LEKR1: variants seen among roughly 807,000 people sequenced by gnomAD.
The protein encoded by LEKR1 is protein LEKR1.
Under a neutral mutation model 72.4 loss-of-function variants are expected in LEKR1, and 59 were observed. That is an observed-to-expected ratio of 0.82 (90% CI 0.66 to 1.01). The LOEUF is 1.01. Ranked by LOEUF, LEKR1 falls within the 50% of genes least tolerant of loss-of-function variation. The pLI is 0.00. For missense variants in LEKR1, 728 were observed against 759.2 expected (o/e 0.96, Z 0.48); for synonymous variants, 257 against 263.2 (o/e 0.98, Z 0.23).
At chr3:156,980,497 C>T (rs1730093227) in intron 7 of LEKR1, among the ~76,000 whole-genome samples, 1 of 152,022 alleles carries the variant, frequency 6.6e-6, no homozygotes, top group South Asian at 2.1e-4. Flanking sequence ...TTAGAAGACC[C>T]CCTAGGCCCA....
intron 10 of LEKR1, among the ~76,000 whole-genome samples, chr3:157,013,429 A>G (rs1195913237): frequency 6.6e-6 from 1 of 152,146 alleles, no homozygotes; most frequent in Admixed American, 6.6e-5. Flanking sequence ...GACATATGAA[A>G]GCATTTATGT....
At chr3:156,853,090 A>C in intron 3 of LEKR1, 108 bp downstream of exon 3, 1 of 526,484 alleles carries the variant, frequency 1.9e-6, no homozygotes, top group Non-Finnish European at 3.2e-6. Flanking sequence ...GGTATAGTTT[A>C]TACTTTAATG....
chr3:156,932,251 T>A (rs1560090462), intron 5 of LEKR1, among the ~76,000 whole-genome samples: 1 of 151,738 alleles, frequency 6.6e-6, no homozygotes, highest in Non-Finnish European at 1.5e-5. Flanking sequence ...AGTTAAATAT[T>A]GGAAAAAAAT....
At chr3:157,034,676 G>T (rs1734841379) in intron 12 of LEKR1, among the ~76,000 whole-genome samples, 1 of 152,242 alleles carries the variant, frequency 6.6e-6, no homozygotes. Flanking sequence ...GACAGGGTTT[G>T]AGAGGATTGA....
At chr3:156,968,246 T>C (rs929568181) in intron 6 of LEKR1, among the ~76,000 whole-genome samples, 3 of 152,142 alleles carry the variant, frequency 2.0e-5, no homozygotes, top group Admixed American at 1.3e-4. Flanking sequence ...GCTAACATCA[T>C]AATGACAGGA....
intron 6 of LEKR1, among the ~76,000 whole-genome samples, chr3:156,977,064 G>T (rs909022221): frequency 6.6e-6 from 1 of 152,162 alleles, no homozygotes; most frequent in African/African-American, 2.4e-5. Context: ...TCCCATCCTT[G>T]AACTGGAGAG....
At chr3:157,003,589 G>C (rs897569348) in intron 9 of LEKR1, among the ~76,000 whole-genome samples, 4 of 152,058 alleles carry the variant, frequency 2.6e-5, no homozygotes, top group Admixed American at 6.5e-5. Context: ...TCCAATCTCT[G>C]CTTTCATTGT....
intron 3 of LEKR1, among the ~76,000 whole-genome samples, chr3:156,905,676 C>T (rs6802042): frequency 0.16 from 23,811 of 152,034 alleles, 2,129 homozygotes; most frequent in South Asian, 0.25. Flanking sequence ...GTATTAAATA[C>T]TAAATGATTT....
At chr3:156,849,071 A>G (rs1452746813) in intron 2 of LEKR1, among the ~76,000 whole-genome samples, 1 of 152,138 alleles carries the variant, frequency 6.6e-6, no homozygotes, top group Non-Finnish European at 1.5e-5. Context: ...TCAGGATACA[A>G]AATCAATGTG....
intron 2 of LEKR1, among the ~76,000 whole-genome samples, chr3:156,841,017 C>T (rs1713834695): frequency 6.6e-6 from 1 of 152,202 alleles, no homozygotes; most frequent in Non-Finnish European, 1.5e-5. Context: ...CCCTAATCAC[C>T]TCTCAGGCAG....
chr3:156,889,754 T>C (rs1483089978), intron 3 of LEKR1, among the ~76,000 whole-genome samples: 1 of 152,224 alleles, frequency 6.6e-6, no homozygotes, highest in African/African-American at 2.4e-5. Flanking sequence ...CATTCCCCAC[T>C]CCTCAATTCC....
intron 9 of LEKR1, among the ~76,000 whole-genome samples, chr3:156,994,285 AT>A (rs1382143265): frequency 6.6e-6 from 1 of 151,850 alleles, no homozygotes; most frequent in African/African-American, 2.4e-5. Context: ...TTAGAATTAG[AT>A]TTTTTTGTCT....
rs969944802 is a variant in LEKR1 at position 157,045,836 on chromosome 3, G to T, written c.*86G>T. The T allele has an allele frequency of 1.2e-5, 15 of 1,206,592 alleles. No individual in the cohort carries two copies. In the African/African-American group the frequency reaches 2.3e-4, roughly 18 times the overall value. The allele number at this position is 1,206,592 out of a possible 1,614,324, so 74.7% of individuals were successfully genotyped here. ...ATTCACTGTAACTGAGAATGACAAT[G>T]ATAAAATTATTTTCACAGATCAGGA... On this transcript the variant is annotated 3_prime_UTR_variant, in exon 13 of 13. Transcript: ENST00000356539.
intron 10 of LEKR1, among the ~76,000 whole-genome samples, chr3:157,014,064 G>A (rs1228300760): frequency 2.0e-5 from 3 of 151,984 alleles, no homozygotes; most frequent in Admixed American, 6.6e-5. Context: ...CTTGAAGAAA[G>A]CAAATTAATG....
intron 6 of LEKR1, among the ~76,000 whole-genome samples, chr3:156,943,694 AAC>A (rs1368786160): frequency 1.3e-5 from 2 of 151,824 alleles, no homozygotes; most frequent in African/African-American, 4.8e-5. Context: ...TGTCTGAGTA[AAC>A]ACAGAAGAGA....
intron 2 of LEKR1, chr3:156,851,073 T>A (rs1715301559): frequency 6.6e-6 from 1 of 152,048 alleles, no homozygotes. Flanking sequence ...CTTCTCTCAT[T>A]CTGTTTTAGT....
At chr3:156,910,371 G>A (rs1256481715) in intron 3 of LEKR1, among the ~76,000 whole-genome samples, 1 of 152,144 alleles carries the variant, frequency 6.6e-6, no homozygotes, top group Non-Finnish European at 1.5e-5. Flanking sequence ...GTGAGAACAT[G>A]TGGTATTTGA....
intron 12 of LEKR1, among the ~76,000 whole-genome samples, chr3:157,030,925 G>C (rs778277145): frequency 1.3e-5 from 2 of 152,200 alleles, no homozygotes; most frequent in Non-Finnish European, 2.9e-5. Flanking sequence ...GAGAATGAGA[G>C]AGAGAAGGTG....
intron 3 of LEKR1, among the ~76,000 whole-genome samples, chr3:156,919,322 A>G (rs140205961): frequency 6.6e-6 from 1 of 152,138 alleles, no homozygotes; most frequent in African/African-American, 2.4e-5. Context: ...CCCCTAATCT[A>G]TAGATTGAAT....
Sources: gnomAD v4.1 joint callset for allele counts (sites outside exome capture counted in the v4.1 genomes callset) on GRCh38, gnomAD v4.1.1 for gene constraint, MANE v1.5 for transcripts, NCBI Gene and HGNC (gene_info 2026-07-23, HGNC 2026-07-21) for gene names.